NFASC: variants seen among roughly 807,000 people sequenced by gnomAD.
NFASC encodes neurofascin homolog.
Under a neutral mutation model 147.5 loss-of-function variants are expected in NFASC, and 43 were observed. That is an observed-to-expected ratio of 0.29 (90% CI 0.23 to 0.38). NFASC has a LOEUF of 0.38. NFASC is among the 10% of genes least tolerant of loss of function. NFASC has a pLI of 1.00. For synonymous variants in NFASC, 622 were observed against 665.5 expected (o/e 0.93, Z 1.01); for missense variants, 1,320 against 1,689.0 (o/e 0.78, Z 3.83).
chr1:205,011,020 G>C (rs1023386680), intron 28 of NFASC: 6 of 152,140 alleles, frequency 3.9e-5, no homozygotes, highest in Non-Finnish European at 8.8e-5. Context: ...AGGAGCAAGA[G>C]AGCCATCTGT....
intron 1 of NFASC, among the ~76,000 whole-genome samples, chr1:204,845,064 T>A (rs1424268277): frequency 6.6e-6 from 1 of 152,150 alleles, no homozygotes; most frequent in African/African-American, 2.4e-5. Flanking sequence ...CCAAGGGACT[T>A]TCCCCCTACT....
In NFASC at chr1:205,016,700, C is replaced by A. The variant is rs1274534205; in HGVS notation, c.*161C>A. The A allele has an allele frequency of 1.6e-5, 11 of 691,936 alleles. No homozygotes were observed. In the Admixed American group the frequency reaches 2.2e-4, roughly 14 times the overall value. The allele number at this position is 691,936 out of a possible 1,614,324, so 42.9% of individuals were successfully genotyped here. On this transcript the variant is annotated 3_prime_UTR_variant, in exon 30 of 30. Transcript: ENST00000339876. The surrounding 1 kb of genome is among the most constrained non-coding windows in gnomAD (Gnocchi z 5.1). ...TGAGGACCAGTAGCCACCAAGCCAC[C>A]CACAAGCCCCCTCCCAATGACCCCC... is the stretch of plus-strand genomic sequence containing the variant.
chr1:204,962,191 T>TG, intron 8 of NFASC: 1 of 1,591,814 alleles, frequency 6.3e-7, no homozygotes, highest in Non-Finnish European at 8.6e-7. Flanking sequence ...GGAGTAACCT[T>TG]GCCTGTGCTA....
intron 1 of NFASC, among the ~76,000 whole-genome samples, chr1:204,918,224 A>G (rs1157864074): frequency 6.6e-6 from 1 of 152,224 alleles, no homozygotes; most frequent in Non-Finnish European, 1.5e-5. Flanking sequence ...CTTGTGGGGC[A>G]TAAGGTAGTT....
chr1:204,877,012 A>ATAT (rs1413278027), intron 1 of NFASC, among the ~76,000 whole-genome samples: 3 of 112,472 alleles, frequency 2.7e-5, no homozygotes, highest in Admixed American at 1.2e-4. Context: ...ATATATATAT[A>ATAT]TATATATATA....
intron 3 of NFASC, among the ~76,000 whole-genome samples, chr1:204,947,581 C>T (rs933595191): frequency 6.6e-6 from 1 of 152,112 alleles, no homozygotes; most frequent in East Asian, 1.9e-4. Context: ...CACTGCTGTG[C>T]CAGTGAAGTC....
At chr1:204,861,078 C>CTTTTTTT (rs1162020795) in intron 1 of NFASC, among the ~76,000 whole-genome samples, 2 of 68,948 alleles carry the variant, frequency 2.9e-5, no homozygotes, top group African/African-American at 8.1e-5. Context: ...ACTTGCTTTC[C>CTTTTTTT]TTTTTTTTTT....
chr1:204,828,739 G>T lies in NFASC; in HGVS notation c.-243G>T. 1 of 985,940 alleles carries T rather than the reference G, an allele frequency of 1.0e-6. No homozygotes were observed. Among genetic ancestry groups the T allele is most frequent in the Non-Finnish European group, 1.2e-6 (1 of 830,448 alleles). The allele number at this position is 985,940 out of a possible 1,614,324, so 61.1% of individuals were successfully genotyped here. ...GGGGGAAGTGGCGGCGCCGGCAGCG[G>T]ACAGCTCGGACAGCGCCCAGGGCCG... On this transcript the variant is annotated 5_prime_UTR_variant, in exon 1 of 30. Coordinates refer to ENST00000339876, the MANE Select transcript of NFASC (RefSeq NM_001005388.3).
In NFASC at chr1:204,892,995, A is replaced by G. The variant is rs551995373; in HGVS notation, c.-199-27637A>G. Reference sequence around the variant, plus strand: ...TCAAGATGAATGTTGTTAGGAAGCAAAAAAACAATGACTAGGTTTCATAGT... The same window carrying G: ...TCAAGATGAATGTTGTTAGGAAGCAGAAAAACAATGACTAGGTTTCATAGT... On this transcript the variant is annotated intron_variant, in intron 1 of 29. Transcript: ENST00000339876. 2.6e-4 allele frequency among the ~76,000 whole-genome samples: 40 copies of G among 152,358 alleles called. 1 individual carries two copies. The highest frequency in any genetic ancestry group is 8.2e-4 in the African/African-American group (34 of 41,588).
rs116306037 is a variant in NFASC at position 204,969,313 on chromosome 1, G to A, written c.1003+331G>A. ...TTTTTTCCTTTCGTTTTGCATTCCC[G>A]TTTGTGATGTGTCACGTGAGCCCGT... On this transcript the variant is annotated intron_variant, in intron 10 of 29. Coordinates refer to ENST00000339876, the MANE Select transcript of NFASC (RefSeq NM_001005388.3). Among the ~76,000 whole-genome samples, 1,177 of 152,194 alleles carry A rather than the reference G, an allele frequency of 7.7e-3. 15 individuals carry two copies. The highest frequency in any genetic ancestry group is 0.027 in the African/African-American group (1,122 of 41,498).
At chr1:205,002,945 G>A (rs1486286578) in intron 27 of NFASC, among the ~76,000 whole-genome samples, 197 bp downstream of exon 27, 3 of 152,224 alleles carry the variant, frequency 2.0e-5, no homozygotes, top group Non-Finnish European at 4.4e-5. Flanking sequence ...GTGTGCATGC[G>A]TAGTGGAGAG....
At position 204,979,285 on chromosome 1, in the gene NFASC, C is replaced by A; in HGVS notation, c.1979-77C>A. Reference sequence around the variant, plus strand: ...GAGAGATTATAAAGATCAATGGAAGCCAAGAAGGAAGTGCTTTTAAAGAAG... The same window carrying A: ...GAGAGATTATAAAGATCAATGGAAGACAAGAAGGAAGTGCTTTTAAAGAAG... On this transcript the variant is annotated intron_variant, in intron 18 of 29. Transcript: ENST00000339876. The surrounding 1 kb of genome is among the most constrained non-coding windows in gnomAD (Gnocchi z 6.0). 8.2e-7 allele frequency: 1 copy of A among 1,223,104 alleles called. No individual in the cohort carries two copies. The highest frequency in any genetic ancestry group is 1.2e-6 in the Non-Finnish European group (1 of 825,284). 75.8% of individuals were successfully genotyped at this position (1,223,104 alleles called of 1,614,324 possible). A position where few individuals can be genotyped will look rare whatever the true frequency, so the allele number is the denominator to read the frequency against.
At chr1:204,890,121 A>G (rs1454651314) in intron 1 of NFASC, among the ~76,000 whole-genome samples, 1 of 152,186 alleles carries the variant, frequency 6.6e-6, no homozygotes, top group Admixed American at 6.5e-5. Flanking sequence ...AAATTGGTTG[A>G]CTTGCCTGAC....
intron 1 of NFASC, among the ~76,000 whole-genome samples, chr1:204,892,745 T>C (rs930769346): frequency 6.6e-6 from 1 of 152,256 alleles, no homozygotes; most frequent in Non-Finnish European, 1.5e-5. Context: ...ATTATTAAAA[T>C]TGAATTGATT....
chr1:205,015,179 CT>C lies in NFASC; in HGVS notation c.3492-1127del, dbSNP rs1471428866. On this transcript the variant is annotated intron_variant, in intron 29 of 29. Coordinates refer to ENST00000339876, the MANE Select transcript of NFASC (RefSeq NM_001005388.3). The surrounding 1 kb of genome is among the most constrained non-coding windows in gnomAD (Gnocchi z 4.0). ...CTATAATGGCAACTCAGCTGGTTGTCTTCCCCACGTCCAGGAAGGACTGGGG... is the reference window on the plus strand; with the variant it reads ...CTATAATGGCAACTCAGCTGGTTGTCTCCCCACGTCCAGGAAGGACTGGGG... Among the ~76,000 whole-genome samples the C allele has an allele frequency of 5.3e-5, 8 of 152,328 alleles. No individual in the cohort carries two copies. In the South Asian group the frequency reaches 1.0e-3, roughly 20 times the overall value.
chr1:204,898,447 C>T (rs757849065), intron 1 of NFASC, among the ~76,000 whole-genome samples: 1 of 152,180 alleles, frequency 6.6e-6, no homozygotes, highest in African/African-American at 2.4e-5. Context: ...CTGTATAGAT[C>T]GCTCTTTTTA....
In NFASC at chr1:205,012,874, A is replaced by G; in HGVS notation, c.3491+8A>G. 6.2e-7 allele frequency: 1 copy of G among 1,604,008 alleles called. No homozygotes were observed. Among genetic ancestry groups the G allele is most frequent in the Non-Finnish European group, 8.5e-7 (1 of 1,170,894 alleles). ...TGGCTCATTTGACTATAGGTGCGTG[A>G]TCTCCCTCCTCCTCTCTCAGGCAGG... On this transcript the variant is annotated splice_region_variant and intron_variant, in intron 29 of 29. Coordinates refer to ENST00000339876, the MANE Select transcript of NFASC (RefSeq NM_001005388.3).
intron 24 of NFASC, 104 bp downstream of exon 24, chr1:204,991,410 T>A: frequency 2.5e-6 from 3 of 1,186,944 alleles, no homozygotes; most frequent in Non-Finnish European, 3.7e-6. Flanking sequence ...GCTGAAAGCA[T>A]GCTCCAGACT....
intron 1 of NFASC, among the ~76,000 whole-genome samples, chr1:204,874,448 A>G (rs2078345573): frequency 6.6e-6 from 1 of 152,216 alleles, no homozygotes; most frequent in South Asian, 2.1e-4. Context: ...GCTCAGTAGT[A>G]TCTGGCTGCT....
Sources: gnomAD v4.1 joint callset for allele counts (sites outside exome capture counted in the v4.1 genomes callset) on GRCh38, gnomAD v4.1.1 for gene constraint, Gnocchi (gnomAD v3.1) non-coding constraint, MANE v1.5 for transcripts, NCBI Gene and HGNC (gene_info 2026-07-23, HGNC 2026-07-21) for gene names.